Variants in GLIS3 observed in about 807,000 individuals in gnomAD.
GLIS3 encodes GLIS family zinc finger 3.
Under a neutral mutation model 78.6 loss-of-function variants are expected in GLIS3, and 53 were observed. The ratio of observed to expected loss-of-function variants is 0.67; its 90% CI spans 0.54 to 0.85. The LOEUF (loss-of-function observed/expected upper bound fraction) is 0.85. Ranked by LOEUF, GLIS3 falls within the 40% of genes least tolerant of loss-of-function variation. The probability of loss-of-function intolerance (pLI) is 0.00; values close to 1 mark genes in which losing one functional copy is unlikely to be tolerated. For missense variants in GLIS3, 1,703 were observed against 1,231.1 expected (o/e 1.38, Z -5.74); for synonymous variants, 684 against 509.9 (o/e 1.34, Z -4.60).
At chr9:3,947,217 G>C (rs918152975) in intron 4 of GLIS3, among the ~76,000 whole-genome samples, 3 of 152,362 alleles carry the variant, frequency 2.0e-5, no homozygotes, top group Middle Eastern at 3.4e-3. Flanking sequence ...TGACTGCAAA[G>C]ATGAGAATTG....
intron 4 of GLIS3, among the ~76,000 whole-genome samples, chr9:4,097,023 TAAAC>T (rs890485907): frequency 7.3e-5 from 11 of 151,724 alleles, no homozygotes; most frequent in African/African-American, 2.2e-4. Flanking sequence ...AATAAATAAA[TAAAC>T]AAACAAACAA....
chr9:4,400,988 C>G, the GLIS3 span, among the ~76,000 whole-genome samples: 5 of 152,148 alleles, frequency 3.3e-5, no homozygotes, highest in South Asian at 1.0e-3. Flanking sequence ...ACATTCTTAG[C>G]TACTGTGGCT....
chr9:4,302,509 A>G (rs1462495125), upstream of GLIS3, among the ~76,000 whole-genome samples: 1 of 152,240 alleles, frequency 6.6e-6, no homozygotes, highest in Non-Finnish European at 1.5e-5. Context: ...CTTTTTGCCC[A>G]GTGTCTTAGT....
intron 2 of GLIS3, among the ~76,000 whole-genome samples, chr9:4,150,456 T>C (rs529263589): frequency 1.3e-3 from 203 of 152,228 alleles, no homozygotes; most frequent in Non-Finnish European, 2.4e-3. Flanking sequence ...GTTCAGTCTG[T>C]GGCAAGCTCA....
intron 4 of GLIS3, among the ~76,000 whole-genome samples, chr9:4,067,457 G>C (rs1224880015): frequency 6.6e-6 from 1 of 152,042 alleles, no homozygotes; most frequent in Non-Finnish European, 1.5e-5. Context: ...AACAAGGAGA[G>C]AAAGAGCACA....
Position 4,315,821 on chromosome 9 carries a change from C to T in GLIS3, n.265-5293G>A, listed in dbSNP as rs188912299. ...TGGCGCCCGTTCCCCAGCATTAGCC[C>T]TGACCCTAGCTCAGCAGTACCAGGA... On this transcript the variant is annotated intron_variant and non_coding_transcript_variant, in intron 2 of 4. Transcript: ENST00000471664. Among the ~76,000 whole-genome samples, 5 of 152,142 alleles carry T rather than the reference C, an allele frequency of 3.3e-5. No individual in the cohort carries two copies. The East Asian group carries it at 9.7e-4, about 30-fold the overall frequency.
chr9:4,431,229 A>G, the GLIS3 span, among the ~76,000 whole-genome samples: 3 of 152,230 alleles, frequency 2.0e-5, no homozygotes, highest in African/African-American at 7.2e-5. Flanking sequence ...TTTGATGCCA[A>G]CAGAATAACT....
At chr9:3,955,979 ACTGCTCCCATAAGTATTTC>A (rs1817073591) in intron 4 of GLIS3, among the ~76,000 whole-genome samples, 1 of 148,388 alleles carries the variant, frequency 6.7e-6, no homozygotes, top group East Asian at 2.0e-4. Flanking sequence ...CATACCATAG[ACTGCTCCCATAAGTATTTC>A]CTACCACAAT....
At chr9:4,037,399 C>A (rs1432320532) in intron 4 of GLIS3, among the ~76,000 whole-genome samples, 1 of 152,138 alleles carries the variant, frequency 6.6e-6, no homozygotes, top group African/African-American at 2.4e-5. Flanking sequence ...GATAGGTTAT[C>A]AGGAGATTAA....
rs1017363577 is a variant in GLIS3 at position 3,824,549 on chromosome 9, C to A, written c.*3723G>T. 2.0e-5 allele frequency: 3 copies of A among 152,272 alleles called. No individual in the cohort carries two copies. The highest frequency in any genetic ancestry group is 7.2e-5 in the African/African-American group (3 of 41,424). 9.4% of individuals were successfully genotyped at this position (152,272 alleles called of 1,614,324 possible). On this transcript the variant is annotated 3_prime_UTR_variant, in exon 11 of 11. Transcript: ENST00000381971. ...TACTTTTGACATAAAAAAAGGACTTCATGAACAAGACAAAATAACTTATGA... is the reference window on the plus strand; with the variant it reads ...TACTTTTGACATAAAAAAAGGACTTAATGAACAAGACAAAATAACTTATGA...
chr9:4,275,198 C>G (rs1040670662), intron 2 of GLIS3, among the ~76,000 whole-genome samples: 1 of 152,164 alleles, frequency 6.6e-6, no homozygotes, highest in Non-Finnish European at 1.5e-5. Context: ...CCTAACTCCT[C>G]CCGAGTAGGC....
At chr9:4,334,009 A>G (rs879484266) in intron 2 of GLIS3, among the ~76,000 whole-genome samples, 15 of 152,188 alleles carry the variant, frequency 9.9e-5, no homozygotes, top group Non-Finnish European at 2.2e-4. Flanking sequence ...TAGGAGCTTA[A>G]GTGCTTAGAA....
chr9:4,111,788 A>G (rs1831232349), intron 4 of GLIS3, among the ~76,000 whole-genome samples: 1 of 152,144 alleles, frequency 6.6e-6, no homozygotes, highest in Non-Finnish European at 1.5e-5. Context: ...TATCTGACAG[A>G]CCGATGCCTT....
At chr9:4,046,848 G>C (rs1218602897) in intron 4 of GLIS3, among the ~76,000 whole-genome samples, 1 of 152,298 alleles carries the variant, frequency 6.6e-6, no homozygotes, top group African/African-American at 2.4e-5. Context: ...AAACTGAAGA[G>C]AGGCAATACT....
intron 2 of GLIS3, among the ~76,000 whole-genome samples, chr9:4,181,244 C>G (rs775978367): frequency 1.3e-5 from 2 of 152,240 alleles, no homozygotes; most frequent in Non-Finnish European, 2.9e-5. Flanking sequence ...CTGCTGGACA[C>G]TAGGGCTGAC....
intron 3 of GLIS3, among the ~76,000 whole-genome samples, chr9:4,309,143 TG>T (rs1019710762): frequency 7.9e-5 from 12 of 152,230 alleles, no homozygotes; most frequent in Admixed American, 2.0e-4. Flanking sequence ...TACTCTATCT[TG>T]TCAAGCTGTT....
In GLIS3 at chr9:4,250,652, A is replaced by T. The variant is rs183811091; in HGVS notation, c.388+35386T>A. ...TCTTAGTTATTTCTTGTCTGCTGCT[A>T]GTTTTTGAATTTGTTTGCTCTTGCT... is the stretch of plus-strand genomic sequence containing the variant. On this transcript the variant is annotated intron_variant, in intron 2 of 10. Transcript: ENST00000381971. 2.4e-4 allele frequency among the ~76,000 whole-genome samples: 36 copies of T among 152,212 alleles called. No homozygotes were observed. The East Asian group carries it at 6.4e-3, about 27-fold the overall frequency.
At chr9:4,406,939 A>C in the GLIS3 span, among the ~76,000 whole-genome samples, 2 of 152,328 alleles carry the variant, frequency 1.3e-5, no homozygotes, top group Admixed American at 1.3e-4. Flanking sequence ...AAATAGAAAA[A>C]CAATTCTAAA....
chr9:4,165,672 C>G (rs1053626195), intron 2 of GLIS3, among the ~76,000 whole-genome samples: 2 of 152,168 alleles, frequency 1.3e-5, no homozygotes, highest in Non-Finnish European at 2.9e-5. Context: ...CCTAAGATGC[C>G]ACGTGGTTTT....
Sources: allele counts gnomAD v4.1 joint callset (sites outside exome capture counted in the v4.1 genomes callset), GRCh38; gene constraint gnomAD v4.1.1; transcripts MANE v1.5; gene names NCBI Gene and HGNC (gene_info 2026-07-23, HGNC 2026-07-21).